Variants in TASOR observed in about 807,000 individuals in gnomAD.
TASOR encodes the protein protein TASOR.
A neutral mutation model predicts 178.6 loss-of-function variants in TASOR; 53 were observed. The ratio of observed to expected loss-of-function variants is 0.30; its 90% confidence interval spans 0.24 to 0.37. The LOEUF is 0.37. TASOR is among the 10% of genes least tolerant of loss of function. TASOR has a pLI of 1.00. For missense variants in TASOR, 1,815 were observed against 1,971.4 expected (o/e 0.92, Z 1.50); for synonymous variants, 713 against 696.2 (o/e 1.02, Z -0.38).
intron 1 of TASOR, among the ~76,000 whole-genome samples, chr3:56,675,905 A>G (rs927928009): frequency 1.3e-5 from 2 of 152,270 alleles, no homozygotes; most frequent in African/African-American, 4.8e-5. Context: ...TATATATTAC[A>G]TAAGTGTCTG....
chr3:56,668,175 T>C (rs2030261344), intron 6 of TASOR, among the ~76,000 whole-genome samples: 1 of 152,158 alleles, frequency 6.6e-6, no homozygotes, highest in Non-Finnish European at 1.5e-5. Context: ...AGGGAGTCTA[T>C]AAATATTACC....
intron 2 of TASOR, 122 bp downstream of exon 2, chr3:56,673,458 A>G (rs968390715): frequency 3.9e-6 from 2 of 511,594 alleles, no homozygotes; most frequent in Non-Finnish European, 6.0e-6. Flanking sequence ...AAAAAAAAAA[A>G]CTTGTTTTCC....
chr3:56,671,681 C>T lies in TASOR; in HGVS notation c.489G>A (p.Lys163=). The T allele has an allele frequency of 7.1e-6, 11 of 1,548,138 alleles. No homozygotes were observed. Among genetic ancestry groups the T allele is most frequent in the Non-Finnish European group, 9.6e-6 (11 of 1,145,062 alleles). Reference sequence around the variant, plus strand: ...GACCATCAAACTTCAGTTCTCTTCGCTTTTCTGTAAACTAAATGAAATTAA... The same window carrying T: ...GACCATCAAACTTCAGTTCTCTTCGTTTTTCTGTAAACTAAATGAAATTAA... ...NELLEKEFTE[K]RRELKFDGRL... is the part of the protein sequence containing the mutation. The change falls in exon 3 of 24, where the codon AAG becomes AAA. Residue 163 remains lysine (K), a synonymous_variant. Coordinates refer to ENST00000683822, the MANE Select transcript of TASOR (RefSeq NM_001365635.2).
Position 56,648,971 on chromosome 3 carries a change from G to C in TASOR, c.1441+14C>G. On this transcript the variant is annotated intron_variant, in intron 12 of 23. Coordinates refer to ENST00000683822, the MANE Select transcript of TASOR (RefSeq NM_001365635.2). ...GAAAGAATTGTAAAAATTTATTAAA[G>C]AGAGACCACCTACCATATGGAGGAA... is the stretch of plus-strand genomic sequence containing the variant. 6.2e-7 allele frequency: 1 copy of C among 1,603,186 alleles called. No individual in the cohort carries two copies. Among genetic ancestry groups the C allele is most frequent in the South Asian group, 1.1e-5 (1 of 87,950 alleles).
intron 16 of TASOR, 63 bp downstream of exon 16, chr3:56,639,923 C>A: frequency 2.1e-6 from 3 of 1,451,898 alleles, no homozygotes; most frequent in East Asian, 2.3e-5. Flanking sequence ...AAGATGGAAA[C>A]ATTCAGGAAA....
chr3:56,640,300 C>T (rs62251184), intron 15 of TASOR, among the ~76,000 whole-genome samples, 170 bp from the exon 16 acceptor site: 6,115 of 152,186 alleles, frequency 0.04, 190 homozygotes, highest in Non-Finnish European at 0.061. Flanking sequence ...TCTTTTCCCT[C>T]GAAACATAAT....
At chr3:56,680,107 T>C (rs1441535075) in intron 1 of TASOR, among the ~76,000 whole-genome samples, 1 of 152,192 alleles carries the variant, frequency 6.6e-6, no homozygotes, top group Non-Finnish European at 1.5e-5. Flanking sequence ...CCTTAGATTA[T>C]TCAAACTGGG....
intron 18 of TASOR, among the ~76,000 whole-genome samples, chr3:56,631,912 A>G (rs2076923713): frequency 6.6e-6 from 1 of 152,110 alleles, no homozygotes; most frequent in Non-Finnish European, 1.5e-5. Context: ...CCAACTATCT[A>G]AAATATTAGT....
At chr3:56,656,059 G>A (rs964365860) in intron 11 of TASOR, among the ~76,000 whole-genome samples, 1 of 152,038 alleles carries the variant, frequency 6.6e-6, no homozygotes. Flanking sequence ...GCTGACCACA[G>A]GTAACTGAAA....
intron 1 of TASOR, among the ~76,000 whole-genome samples, chr3:56,681,311 C>A (rs2031766344): frequency 6.6e-6 from 1 of 152,146 alleles, no homozygotes; most frequent in Non-Finnish European, 1.5e-5. Context: ...CAAATTTTAA[C>A]TAAATACACG....
intron 14 of TASOR, among the ~76,000 whole-genome samples, chr3:56,642,406 A>G (rs2077143243): frequency 6.6e-6 from 1 of 152,214 alleles, no homozygotes; most frequent in Non-Finnish European, 1.5e-5. Flanking sequence ...AACAATCAAT[A>G]TATTTTAAAA....
At chr3:56,674,539 C>T (rs930860360) in intron 1 of TASOR, among the ~76,000 whole-genome samples, 4 of 152,044 alleles carry the variant, frequency 2.6e-5, no homozygotes, top group Non-Finnish European at 2.9e-5. Context: ...AAATGCTGCA[C>T]TCACGTGGCT....
intron 11 of TASOR, among the ~76,000 whole-genome samples, chr3:56,657,185 G>A (rs986975170): frequency 4.0e-5 from 6 of 150,206 alleles, no homozygotes; most frequent in African/African-American, 4.9e-5. Flanking sequence ...AAAATTAGCC[G>A]AGCATGGTGG....
At chr3:56,639,410 CAA>C (rs66863926) in intron 16 of TASOR, among the ~76,000 whole-genome samples, 88,991 of 148,814 alleles carry the variant, frequency 0.6, 28,348 homozygotes, top group East Asian at 0.96. Flanking sequence ...AGAATGCTAC[CAA>C]AAAAAAAAAA....
rs1296830786 is a variant in TASOR at position 56,641,608 on chromosome 3, G to A, written c.2360C>T (p.Ala787Val). The A allele has an allele frequency of 1.9e-6, 3 of 1,614,056 alleles. No individual in the cohort carries two copies. Among genetic ancestry groups the A allele is most frequent in the African/African-American group, 2.7e-5 (2 of 74,912 alleles). ...ETLANARHSD[A>V]SLTDTVNKAL... is the part of the protein sequence containing the mutation. ...TTTGTTGACTGTGTCTGTCAGAGAT[G>A]CATCAGAATGGCGCGCATTTGCTAG... Residue 787 changes from alanine (A) to valine (V), a missense_variant, in exon 15 of 24, where the codon GCA (alanine) becomes GTA (valine). Transcript: ENST00000683822.
At chr3:56,669,955 T>C in intron 4 of TASOR, 118 bp downstream of exon 4, 1 of 918,846 alleles carries the variant, frequency 1.1e-6, no homozygotes, top group Admixed American at 3.0e-5. Flanking sequence ...GACTAGTCTT[T>C]TTCTGGGAAC....
chr3:56,647,203 C>A lies in TASOR; in HGVS notation c.1534G>T (p.Ala512Ser). Residue 512 changes from alanine to serine, a missense_variant, in exon 14 of 24, where the codon GCA becomes TCA. Physicochemically the swap from Ala to Ser is moderately conservative, Grantham distance 99. Coordinates refer to ENST00000683822, the MANE Select transcript of TASOR (RefSeq NM_001365635.2). ...CTCTCATGCCTCTCCTGTGGTGCTG[C>A]ATTGGTTGAACCTTTTTGTGCTGTA... Reference protein sequence around the residue: ...IVTSQKGSTNAAPQERHESMP... With the variant: ...IVTSQKGSTNSAPQERHESMP... 1 of 1,548,304 alleles carries A rather than the reference C, an allele frequency of 6.5e-7. No homozygotes were observed. The highest frequency in any genetic ancestry group is 2.3e-5 in the Admixed American group (1 of 42,690).
chr3:56,634,161 T>C (rs934906308), intron 17 of TASOR, among the ~76,000 whole-genome samples, 195 bp from the exon 18 acceptor site: 2 of 152,194 alleles, frequency 1.3e-5, no homozygotes, highest in Admixed American at 6.5e-5. Context: ...GTCCTTAGAG[T>C]TGTAGCTAGT....
intron 19 of TASOR, among the ~76,000 whole-genome samples, chr3:56,628,228 G>A (rs116521937): frequency 5.7e-4 from 87 of 152,336 alleles, no homozygotes; most frequent in Middle Eastern, 3.4e-3. Flanking sequence ...ACATTATGTA[G>A]TCAGTCAGCA....
Sources: allele counts gnomAD v4.1 joint callset (sites outside exome capture counted in the v4.1 genomes callset), GRCh38; gene constraint gnomAD v4.1.1; transcripts MANE v1.5; gene names NCBI Gene and HGNC (gene_info 2026-07-23, HGNC 2026-07-21).